CHSY3: variants seen among roughly 807,000 people sequenced by gnomAD.
The protein encoded by CHSY3 is N-acetylgalactosaminyl-proteoglycan 3-beta-glucuronosyltransferase 3.
A neutral mutation model predicts 67.2 loss-of-function variants in CHSY3; 35 were observed. The ratio of observed to expected loss-of-function variants is 0.52; its 90% CI spans 0.40 to 0.69. The LOEUF (loss-of-function observed/expected upper bound fraction) is 0.69, where lower values mean the gene tolerates loss of function less well. CHSY3 is among the 30% of genes least tolerant of loss of function. The pLI is 0.00. For synonymous variants in CHSY3, 474 were observed against 434.7 expected, an observed-to-expected ratio of 1.09 and a Z score of -1.12; for missense variants, 1,069 against 1,138.5, an observed-to-expected ratio of 0.94 and a Z score of 0.88.
chr5:129,970,623 G>T lies in CHSY3; in HGVS notation c.1086+62263G>T, dbSNP rs1762616344. Among the ~76,000 whole-genome samples, 7 of 151,804 alleles carry T rather than the reference G, an allele frequency of 4.6e-5. 1 individual carries two copies. The South Asian group carries it at 1.5e-3, about 32-fold the overall frequency. ...CAGGCTAAAGAATTTTGTGGATTGG[G>T]TTGTTTTTCTGAAATGCTGTATTTC... On this transcript the variant is annotated intron_variant, in intron 2 of 2. Transcript: ENST00000305031.
intron 2 of CHSY3, among the ~76,000 whole-genome samples, chr5:129,930,614 C>T (rs901669879): frequency 2.0e-5 from 3 of 151,294 alleles, no homozygotes; most frequent in Admixed American, 6.6e-5. Flanking sequence ...GAGGGGAGGA[C>T]GGTCAGGCTA....
In CHSY3 at chr5:130,184,632, A is replaced by G. The variant is rs1770355677; in HGVS notation, c.1490A>G (p.Asp497Gly). ...AGCATTTTAAGAACAGCACTGGATGATACCGTCCTACAGGTGATGGAGATG... is the reference window on the plus strand; with the variant it reads ...AGCATTTTAAGAACAGCACTGGATGGTACCGTCCTACAGGTGATGGAGATG... ...LSSILRTALD[D>G]TVLQVMEMIN... is the part of the protein sequence containing the mutation. The change falls in exon 3 of 3, where the codon GAT becomes GGT. Residue 497 changes from aspartate to glycine, a missense_variant. Around this residue, in one of 5 missense-constraint regions of CHSY3, gnomAD observed 401 missense variants for 395.2 expected, o/e 1.01. Coordinates refer to ENST00000305031, the MANE Select transcript of CHSY3 (RefSeq NM_175856.5). 1 of 1,606,448 alleles carries G rather than the reference A, an allele frequency of 6.2e-7. No homozygotes were observed. Among genetic ancestry groups the G allele is most frequent in the Non-Finnish European group, 8.5e-7 (1 of 1,172,944 alleles).
chr5:129,952,991 T>A (rs561060382), intron 2 of CHSY3, among the ~76,000 whole-genome samples: 5 of 152,320 alleles, frequency 3.3e-5, no homozygotes, highest in Admixed American at 6.5e-5. Flanking sequence ...CTTCTTTTTT[T>A]AAATTATACT....
At chr5:130,064,344 A>G (rs2149678306) in intron 2 of CHSY3, among the ~76,000 whole-genome samples, 1 of 152,252 alleles carries the variant, frequency 6.6e-6, no homozygotes, top group Non-Finnish European at 1.5e-5. Flanking sequence ...ACACGGAAAA[A>G]TTGAAGCTGA....
intron 2 of CHSY3, among the ~76,000 whole-genome samples, chr5:129,963,548 A>G (rs965534545): frequency 1.3e-5 from 2 of 152,002 alleles, no homozygotes; most frequent in Non-Finnish European, 2.9e-5. Flanking sequence ...AGATGACACT[A>G]TGGAGTCAGT....
chr5:130,116,600 G>A (rs1028108539), intron 2 of CHSY3, among the ~76,000 whole-genome samples: 1 of 152,112 alleles, frequency 6.6e-6, no homozygotes, highest in African/African-American at 2.4e-5. Flanking sequence ...TTCCACCGTC[G>A]TGGGTGCCAA....
At chr5:130,002,994 T>C (rs1391278420) in intron 2 of CHSY3, among the ~76,000 whole-genome samples, 1 of 152,166 alleles carries the variant, frequency 6.6e-6, no homozygotes, top group Non-Finnish European at 1.5e-5. Flanking sequence ...CAGTCCTAGT[T>C]TCTTTGGGTT....
At chr5:129,920,208 T>C (rs1236598879) in intron 2 of CHSY3, among the ~76,000 whole-genome samples, 1 of 152,172 alleles carries the variant, frequency 6.6e-6, no homozygotes, top group East Asian at 1.9e-4. Flanking sequence ...ACAGTGGTCC[T>C]CCACTAATCC....
chr5:129,952,684 A>G (rs904504304), intron 2 of CHSY3, among the ~76,000 whole-genome samples: 2 of 152,312 alleles, frequency 1.3e-5, no homozygotes, highest in African/African-American at 2.4e-5. Context: ...AGTTCAAATT[A>G]TTAGATGTCT....
At chr5:130,029,169 C>G (rs1243759012) in intron 2 of CHSY3, among the ~76,000 whole-genome samples, 1 of 152,052 alleles carries the variant, frequency 6.6e-6, no homozygotes, top group African/African-American at 2.4e-5. Flanking sequence ...GTGCTATTTG[C>G]CGAGGTCTGG....
chr5:130,025,637 A>C (rs1764520202), intron 2 of CHSY3, among the ~76,000 whole-genome samples: 1 of 151,976 alleles, frequency 6.6e-6, no homozygotes, highest in South Asian at 2.1e-4. Context: ...GCACCAGTAG[A>C]TTTGGTGTCT....
chr5:130,082,988 C>T (rs1205507696), intron 2 of CHSY3, among the ~76,000 whole-genome samples: 1 of 151,720 alleles, frequency 6.6e-6, no homozygotes. Context: ...ACATCCTGCA[C>T]ATGTATCCCA....
rs543520875 is a variant in CHSY3, at chr5:130,008,130, T to C, written c.1086+99770T>C. ...CTGTACCCCCACTGGAGCATGTGTA[T>C]GTGTGGACCCTGCTGCTATGCCAGC... On this transcript the variant is annotated intron_variant, in intron 2 of 2. Transcript: ENST00000305031. Among the ~76,000 whole-genome samples, 4 of 152,286 alleles carry C rather than the reference T, an allele frequency of 2.6e-5. No individual in the cohort carries two copies. In the South Asian group the frequency reaches 8.3e-4, roughly 32 times the overall value.
chr5:130,079,411 A>G (rs1249470598), intron 2 of CHSY3, among the ~76,000 whole-genome samples: 1 of 152,102 alleles, frequency 6.6e-6, no homozygotes, highest in Admixed American at 6.6e-5. Flanking sequence ...GCTATTTTTC[A>G]ATTTTTAACA....
intron 2 of CHSY3, among the ~76,000 whole-genome samples, chr5:130,119,474 C>T (rs1043019557): frequency 3.3e-5 from 5 of 152,066 alleles, no homozygotes; most frequent in Admixed American, 2.6e-4. Context: ...TGCTAAACAG[C>T]TTTGAGGGGC....
intron 2 of CHSY3, among the ~76,000 whole-genome samples, chr5:130,020,814 T>C (rs151336513): frequency 6.6e-6 from 1 of 152,256 alleles, no homozygotes; most frequent in East Asian, 1.9e-4. Flanking sequence ...TGTCCCCTAC[T>C]CAGTCTGTCG....
intron 2 of CHSY3, among the ~76,000 whole-genome samples, chr5:130,021,572 C>G (rs1353981121): frequency 6.6e-6 from 1 of 151,538 alleles, no homozygotes; most frequent in Non-Finnish European, 1.5e-5. Context: ...CTTTTTTTTC[C>G]CCCGTCTCAC....
intron 2 of CHSY3, among the ~76,000 whole-genome samples, chr5:130,058,334 T>C (rs1195998780): frequency 6.6e-6 from 1 of 152,106 alleles, no homozygotes; most frequent in African/African-American, 2.4e-5. Context: ...AATAATATAA[T>C]AGAGAATAAA....
chr5:130,100,929 A>G (rs543745611), intron 2 of CHSY3, among the ~76,000 whole-genome samples: 142 of 152,314 alleles, frequency 9.3e-4, no homozygotes, highest in African/African-American at 3.3e-3. Context: ...GCTCACCTCA[A>G]CTTTGCCTTG....
Sources: allele counts gnomAD v4.1 joint callset (sites outside exome capture counted in the v4.1 genomes callset), GRCh38; gene constraint gnomAD v4.1.1; regional missense constraint gnomAD v4.1.1; transcripts MANE v1.5; gene names NCBI Gene and HGNC (gene_info 2026-07-23, HGNC 2026-07-21).